Variants in AK9 observed in about 807,000 individuals in gnomAD.
AK9 encodes adenylate kinase domain containing 1.
AK9 carries 191 observed loss-of-function variants against 239.6 expected under a neutral mutation model. The observed-to-expected ratio is 0.80, with a 90% CI of 0.71 to 0.90. The LOEUF (loss-of-function observed/expected upper bound fraction) is 0.90, where lower values mean the gene tolerates loss of function less well. Ranked by LOEUF, AK9 falls within the 40% of genes least tolerant of loss-of-function variation. The pLI, the probability that AK9 is intolerant of heterozygous loss-of-function variation, is 0.00. For missense variants in AK9, 1,995 were observed against 2,214.7 expected, an observed-to-expected ratio of 0.90 and a Z score of 1.99; for synonymous variants, 689 against 721.0, an observed-to-expected ratio of 0.96 and a Z score of 0.71.
In AK9 at chr6:109,499,461, G is replaced by A. The variant is rs75169310; in HGVS notation, c.4850-221C>T. Among the ~76,000 whole-genome samples the A allele has an allele frequency of 7.1e-4, 108 of 152,084 alleles. 1 individual carries two copies. In the East Asian group the frequency reaches 0.019, roughly 27 times the overall value. ...CACTGTTGGATTTGTATCTTTTTCAGTCTTTTTTCTATACCTTCACATACA... is the reference window on the plus strand; with the variant it reads ...CACTGTTGGATTTGTATCTTTTTCAATCTTTTTTCTATACCTTCACATACA... On this transcript the variant is annotated intron_variant, in intron 35 of 40. Coordinates refer to ENST00000424296, the MANE Select transcript of AK9 (RefSeq NM_001145128.3).
intron 15 of AK9, 53 bp from the exon 16 acceptor site, chr6:109,612,146 G>C (rs1793654612): frequency 8.2e-7 from 1 of 1,216,486 alleles, no homozygotes; most frequent in African/African-American, 1.6e-5. Context: ...AAAAATGTAG[G>C]TGATTCCCAA....
At chr6:109,624,981 T>C (rs1202621996) in intron 12 of AK9, among the ~76,000 whole-genome samples, 1 of 152,174 alleles carries the variant, frequency 6.6e-6, no homozygotes, top group Non-Finnish European at 1.5e-5. Flanking sequence ...TTTTCTTTTT[T>C]AATGTTCTTT....
intron 17 of AK9, among the ~76,000 whole-genome samples, chr6:109,609,923 CAT>C (rs1793368757): frequency 6.6e-6 from 1 of 152,002 alleles, no homozygotes. Flanking sequence ...TGGAACAGCA[CAT>C]GTGTGTCCTC....
At position 109,563,723 on chromosome 6, in the gene AK9, A is replaced by C. The variant is rs1786076664; in HGVS notation, c.2636-11T>G. ...TATATTGAAATGGTTCTGGAGAAAA[A>C]GAGAATCATTGGGGAAAATATTTTT... On this transcript the variant is annotated splice_polypyrimidine_tract_variant and intron_variant, in intron 23 of 40. Transcript: ENST00000424296. The C allele has an allele frequency of 6.5e-7, 1 of 1,544,312 alleles. No homozygotes were observed. The highest frequency in any genetic ancestry group is 8.7e-7 in the Non-Finnish European group (1 of 1,143,876).
chr6:109,578,745 G>C (rs1788443454), intron 20 of AK9, among the ~76,000 whole-genome samples: 1 of 152,080 alleles, frequency 6.6e-6, no homozygotes, highest in Admixed American at 6.5e-5. Context: ...TTGTGTCACT[G>C]TTATTGTTCA....
chr6:109,655,963 C>G (rs1799647793), intron 8 of AK9, among the ~76,000 whole-genome samples: 2 of 152,120 alleles, frequency 1.3e-5, no homozygotes, highest in African/African-American at 4.8e-5. Flanking sequence ...GAAAATGATC[C>G]ACTCATTTAT....
intron 24 of AK9, among the ~76,000 whole-genome samples, chr6:109,559,261 G>A (rs991422036): frequency 1.5e-4 from 23 of 151,570 alleles, no homozygotes; most frequent in African/African-American, 4.1e-4. Flanking sequence ...TCTGCCTCCC[G>A]GGTTCATGCC....
chr6:109,626,251 T>C (rs949176325), intron 12 of AK9, among the ~76,000 whole-genome samples: 1 of 152,192 alleles, frequency 6.6e-6, no homozygotes, highest in African/African-American at 2.4e-5. Context: ...TTATTTATAA[T>C]AGCCACTTTA....
At chr6:109,567,379 G>C (rs1786707671) in intron 21 of AK9, among the ~76,000 whole-genome samples, 2 of 152,050 alleles carry the variant, frequency 1.3e-5, no homozygotes, top group South Asian at 2.1e-4. Context: ...GACTAAACCA[G>C]GAAGAAGCTG....
chr6:109,548,125 G>A (rs1370568113), intron 25 of AK9, among the ~76,000 whole-genome samples: 1 of 152,066 alleles, frequency 6.6e-6, no homozygotes, highest in African/African-American at 2.4e-5. Flanking sequence ...ATGTAAAGTA[G>A]GAAAGCCATT....
At chr6:109,661,997 A>G (rs757975048) in intron 6 of AK9, among the ~76,000 whole-genome samples, 8 of 152,224 alleles carry the variant, frequency 5.3e-5, no homozygotes, top group Non-Finnish European at 1.2e-4. Flanking sequence ...TAACATTCAT[A>G]CATTCATGTC....
intron 27 of AK9, among the ~76,000 whole-genome samples, chr6:109,534,220 CAA>C (rs370974087): frequency 9.2e-6 from 1 of 109,082 alleles, no homozygotes; most frequent in African/African-American, 3.5e-5. Context: ...AACTCCTTCT[CAA>C]AAAAAAAAAA....
chr6:109,597,384 T>A lies in AK9; in HGVS notation c.1843-11312A>T, dbSNP rs1458468887. 2.0e-5 allele frequency among the ~76,000 whole-genome samples: 3 copies of A among 151,940 alleles called. No individual in the cohort carries two copies. In the East Asian group the frequency reaches 5.8e-4, roughly 29 times the overall value. ...AACGTTAAAAATTTTCTTTAAAAAT[T>A]TTTTTTTGCCGGGCGCGGTGGCTCA... On this transcript the variant is annotated intron_variant, in intron 17 of 40. Transcript: ENST00000424296.
At position 109,564,832 on chromosome 6, in the gene AK9, G is replaced by A. The variant is rs755163915; in HGVS notation, c.2358C>T (p.Ile786=). Residue 786 remains isoleucine, a synonymous_variant, in exon 22 of 41, where the codon ATC becomes ATT. Transcript: ENST00000424296. ...ETEPEAVSEP[I]EETTVETEIP... ...TTTCTGTTTCCACTGTAGTTTCCTC[G>A]ATAGGCTCAGATACTTAAGAAAGAA... The A allele has an allele frequency of 1.0e-5, 16 of 1,539,366 alleles. No individual in the cohort carries two copies. Among genetic ancestry groups the A allele is most frequent in the African/African-American group, 5.5e-5 (4 of 72,556 alleles).
intron 12 of AK9, among the ~76,000 whole-genome samples, chr6:109,629,490 T>C (rs1000564914): frequency 1.3e-5 from 2 of 152,102 alleles, no homozygotes; most frequent in African/African-American, 4.8e-5. Context: ...TACTGACACA[T>C]GAGGAAGTTT....
chr6:109,639,724 C>A (rs1230961810), intron 10 of AK9, among the ~76,000 whole-genome samples: 16 of 152,148 alleles, frequency 1.1e-4, no homozygotes, highest in African/African-American at 1.7e-4. Flanking sequence ...GTCCTTGCCC[C>A]TGCCTACGTC....
intron 12 of AK9, among the ~76,000 whole-genome samples, chr6:109,624,191 T>G (rs559517933): frequency 4.6e-5 from 7 of 152,144 alleles, no homozygotes; most frequent in African/African-American, 1.7e-4. Context: ...ACCCCTCTGT[T>G]CTCCTACCCC....
chr6:109,644,710 C>T, intron 8 of AK9, 22 bp from the exon 9 acceptor site: 1 of 1,582,042 alleles, frequency 6.3e-7, no homozygotes, highest in South Asian at 1.1e-5. Flanking sequence ...AGAAAAGAAA[C>T]TTTATAATAC....
At chr6:109,609,378 G>A (rs571331012) in intron 17 of AK9, among the ~76,000 whole-genome samples, 13 of 152,232 alleles carry the variant, frequency 8.5e-5, no homozygotes, top group African/African-American at 2.9e-4. Flanking sequence ...CTCAGTTATT[G>A]GTTTACATGT....
Sources: allele counts gnomAD v4.1 joint callset (sites outside exome capture counted in the v4.1 genomes callset), GRCh38; gene constraint gnomAD v4.1.1; transcripts MANE v1.5; gene names NCBI Gene and HGNC (gene_info 2026-07-23, HGNC 2026-07-21).